The following MGAT4C variants were observed in gnomAD, a reference collection of about 807,000 sequenced individuals.
MGAT4C encodes the protein MGAT4 family member C, also known as alpha-1,3-mannosyl-glycoprotein 4-beta-N-acetylglucosaminyltransferase C.
MGAT4C carries 19 observed loss-of-function variants against 40.1 expected under a neutral mutation model. The observed-to-expected ratio is 0.47, with a 90% CI of 0.33 to 0.70. The LOEUF (loss-of-function observed/expected upper bound fraction) is 0.70, where lower values mean the gene tolerates loss of function less well. MGAT4C is among the 30% of genes least tolerant of loss of function. The pLI, the probability that MGAT4C is intolerant of heterozygous loss-of-function variation, is 0.02. For missense variants in MGAT4C, 491 were observed against 563.2 expected (o/e 0.87, Z 1.30); for synonymous variants, 181 against 187.1 (o/e 0.97, Z 0.27).
intron 2 of MGAT4C, among the ~76,000 whole-genome samples, chr12:86,578,700 T>G (rs1025916487): frequency 6.6e-6 from 1 of 151,852 alleles, no homozygotes; most frequent in Non-Finnish European, 1.5e-5. Flanking sequence ...GCAGTATCAG[T>G]TGTAATGTTT....
rs796809003 is a variant in MGAT4C, at chr12:86,500,642, AAC to A, written c.-228-65379_-228-65378del. ...GGTTGCTTTACAGAGAACCTTCTCAAACATGTAAGGAAGAAACAATCCACCAA... is the reference window on the plus strand; with the variant it reads ...GGTTGCTTTACAGAGAACCTTCTCAAATGTAAGGAAGAAACAATCCACCAA... On this transcript the variant is annotated intron_variant, in intron 2 of 7. Transcript: ENST00000548651. 2.6e-5 allele frequency among the ~76,000 whole-genome samples: 4 copies of A among 152,158 alleles called. 1 individual carries two copies. The highest frequency in any genetic ancestry group is 7.2e-5 in the African/African-American group (3 of 41,576).
intron 3 of MGAT4C, among the ~76,000 whole-genome samples, chr12:86,355,167 C>T (rs551013802): frequency 9.2e-5 from 14 of 152,212 alleles, no homozygotes; most frequent in African/African-American, 3.4e-4. Flanking sequence ...TGCATTTTTA[C>T]AGAGCATTGA....
At chr12:86,708,483 G>A (rs1205136410) in intron 2 of MGAT4C, among the ~76,000 whole-genome samples, 1 of 152,172 alleles carries the variant, frequency 6.6e-6, no homozygotes, top group Non-Finnish European at 1.5e-5. Context: ...AATCCCTCTG[G>A]GGCACTGCCT....
At chr12:86,209,095 G>A (rs1033186520) in intron 1 of MGAT4C, among the ~76,000 whole-genome samples, 1 of 151,954 alleles carries the variant, frequency 6.6e-6, no homozygotes, top group Non-Finnish European at 1.5e-5. Context: ...CTTAGATCCT[G>A]TCTACAATTG....
chr12:86,059,842 T>C (rs1272273289), intron 1 of MGAT4C, among the ~76,000 whole-genome samples: 1 of 152,108 alleles, frequency 6.6e-6, no homozygotes, highest in East Asian at 1.9e-4. Flanking sequence ...TCTAACACCG[T>C]GTAAGATAAG....
At chr12:86,232,985 A>G (rs939099327) in intron 1 of MGAT4C, among the ~76,000 whole-genome samples, 1 of 152,170 alleles carries the variant, frequency 6.6e-6, no homozygotes, top group Non-Finnish European at 1.5e-5. Flanking sequence ...TTATAGGTAA[A>G]ATTTTAATAA....
intron 2 of MGAT4C, among the ~76,000 whole-genome samples, chr12:86,041,866 C>T (rs541112463): frequency 4.6e-5 from 7 of 152,190 alleles, no homozygotes; most frequent in South Asian, 2.1e-4. Context: ...TGAATATCTT[C>T]GTTAGTTTTC....
intron 2 of MGAT4C, among the ~76,000 whole-genome samples, chr12:86,708,060 C>T (rs1950493862): frequency 6.6e-6 from 1 of 152,074 alleles, no homozygotes; most frequent in African/African-American, 2.4e-5. Context: ...GGAGAAATAT[C>T]TCCAGGACAT....
At chr12:86,097,795 G>A (rs191211928) in intron 1 of MGAT4C, among the ~76,000 whole-genome samples, 26 of 151,590 alleles carry the variant, frequency 1.7e-4, no homozygotes, top group African/African-American at 6.0e-4. Flanking sequence ...CTACAACAAT[G>A]GAAAGCCCCA....
chr12:86,774,308 T>TTTCTTTCTTTCTTTCTTTCC (rs1951698487), intron 1 of MGAT4C, among the ~76,000 whole-genome samples: 1 of 39,538 alleles, frequency 2.5e-5, no homozygotes, highest in African/African-American at 6.4e-5. Context: ...TCTTTCTTTC[T>TTTCTTTCTTTCTTTCTTTCC]TTCTTTCTTT....
chr12:86,804,458 AAG>A (rs200735437), intron 1 of MGAT4C, among the ~76,000 whole-genome samples: 9,125 of 150,438 alleles, frequency 0.061, 355 homozygotes, highest in Non-Finnish European at 0.087. Context: ...AGAAAGAAAG[AAG>A]AAAAAAATAT....
rs917377088 is a variant in MGAT4C, at chr12:86,675,203, T to A, written c.-229+52006A>T. Among the ~76,000 whole-genome samples the A allele has an allele frequency of 1.1e-4, 16 of 152,222 alleles. 1 individual carries two copies. The highest frequency in any genetic ancestry group is 3.9e-4 in the African/African-American group (16 of 41,458). ...TAAAAGGGAATGCACTTACTGATTG[T>A]TCCAAAAGTGGAAACTGATTTTTGG... On this transcript the variant is annotated intron_variant, in intron 2 of 7. Coordinates refer to the MGAT4C transcript ENST00000548651.
chr12:86,102,664 G>T (rs942097601), intron 1 of MGAT4C, among the ~76,000 whole-genome samples: 1 of 152,076 alleles, frequency 6.6e-6, no homozygotes, highest in African/African-American at 2.4e-5. Flanking sequence ...AAAATCAAAT[G>T]TAAGATCTGC....
chr12:86,146,989 A>C (rs1173722824), intron 1 of MGAT4C, among the ~76,000 whole-genome samples: 1 of 152,212 alleles, frequency 6.6e-6, no homozygotes, highest in Non-Finnish European at 1.5e-5. Context: ...AAACAGACTA[A>C]ATTATCAGAC....
At chr12:86,110,419 T>G (rs1698754) in intron 1 of MGAT4C, among the ~76,000 whole-genome samples, 114,354 of 141,396 alleles carry the variant, frequency 0.81, 46,745 homozygotes, top group East Asian at 0.97. Flanking sequence ...AGAATTTGGG[T>G]TAATTTCTTT....
chr12:86,564,292 C>T (rs917020371), intron 2 of MGAT4C, among the ~76,000 whole-genome samples: 1 of 151,932 alleles, frequency 6.6e-6, no homozygotes, highest in African/African-American at 2.4e-5. Context: ...TTGGCAAATC[C>T]CTTTTTTTTT....
chr12:86,601,913 G>T (rs1407643054), intron 2 of MGAT4C, among the ~76,000 whole-genome samples: 1 of 152,178 alleles, frequency 6.6e-6, no homozygotes, highest in African/African-American at 2.4e-5. Flanking sequence ...GCTGTAACAT[G>T]CTGTAATACC....
rs111939275 is a variant in MGAT4C at position 86,411,612 on chromosome 12, G to A, written c.-120+23545C>T. On this transcript the variant is annotated intron_variant, in intron 3 of 7. Transcript: ENST00000548651. ...TTAGCAAAGAAATGAATTGGACCTA[G>A]AAATTATATTTAAAAGGGAAGCAGA... Among the ~76,000 whole-genome samples the A allele has an allele frequency of 5.2e-3, 793 of 152,284 alleles. 7 individuals are homozygous for A. The highest frequency in any genetic ancestry group is 0.018 in the African/African-American group (761 of 41,554).
At chr12:86,229,322 T>A (rs1005938696) in intron 1 of MGAT4C, among the ~76,000 whole-genome samples, 1 of 151,902 alleles carries the variant, frequency 6.6e-6, no homozygotes, top group African/African-American at 2.4e-5. Flanking sequence ...TTCAATCCAA[T>A]GTCTTTTCTT....
Sources: gnomAD v4.1 joint callset for allele counts (sites outside exome capture counted in the v4.1 genomes callset) on GRCh38, gnomAD v4.1.1 for gene constraint, MANE v1.5 for transcripts, NCBI Gene and HGNC (gene_info 2026-07-23, HGNC 2026-07-21) for gene names.